Variants in FAM169A observed in about 807,000 individuals in gnomAD.
FAM169A encodes the protein family with sequence similarity 169 member A.
In FAM169A, 24 loss-of-function variants were observed where a neutral mutation model predicts 75.7. The observed-to-expected ratio is 0.32, with a 90% CI of 0.23 to 0.45. The LOEUF is 0.45. Among genes scored for constraint, FAM169A ranks in the 20% least tolerant of loss-of-function variants. The probability of loss-of-function intolerance (pLI) is 1.00; values close to 1 mark genes in which losing one functional copy is unlikely to be tolerated. For missense variants in FAM169A, 673 were observed against 784.0 expected (o/e 0.86, Z 1.69); for synonymous variants, 271 against 271.0 (o/e 1.00, Z 0.00).
At chr5:74,828,327 G>A (rs1748138493) in intron 5 of FAM169A, among the ~76,000 whole-genome samples, 1 of 152,088 alleles carries the variant, frequency 6.6e-6, no homozygotes, top group Non-Finnish European at 1.5e-5. Flanking sequence ...AAACTATTTA[G>A]AGGCCTCTCC....
chr5:74,814,892 T>C (rs933378206), intron 5 of FAM169A, among the ~76,000 whole-genome samples: 2 of 152,214 alleles, frequency 1.3e-5, no homozygotes, highest in African/African-American at 4.8e-5. Context: ...TATTTTTGCC[T>C]CAAATAAAAT....
intron 6 of FAM169A, among the ~76,000 whole-genome samples, chr5:74,808,740 C>T (rs1359204919): frequency 6.6e-6 from 1 of 152,126 alleles, no homozygotes; most frequent in Non-Finnish European, 1.5e-5. Flanking sequence ...ACACTAACTT[C>T]AGGAGTGCAA....
intron 1 of FAM169A, chr5:74,848,778 C>CTAACAG (rs1749290732): frequency 6.6e-6 from 1 of 152,142 alleles, no homozygotes; most frequent in Non-Finnish European, 1.5e-5. Flanking sequence ...AATTGCAAGC[C>CTAACAG]TAACAGTGGT....
At chr5:74,866,533 G>C (rs558540967), upstream of FAM169A, 287 of 552,418 alleles carry the variant, frequency 5.2e-4, 1 homozygote, top group African/African-American at 5.6e-3. Flanking sequence ...GCGCCGGCCC[G>C]GCAGGTGCGG....
In FAM169A at chr5:74,781,394, TA is replaced by T; in HGVS notation, c.*65del. 6.8e-7 allele frequency: 1 copy of T among 1,475,822 alleles called. No individual in the cohort carries two copies. Among genetic ancestry groups the T allele is most frequent in the Non-Finnish European group, 9.2e-7 (1 of 1,084,844 alleles). 91.4% of individuals were successfully genotyped at this position (1,475,822 alleles called of 1,614,324 possible). A position where few individuals can be genotyped will look rare whatever the true frequency, so the allele number is the denominator to read the frequency against. ...CCTGTGCCCCATGCTGTTTATTAATTACCATATTTTAAAAACAACAACTATG... is the reference window on the plus strand; with the variant it reads ...CCTGTGCCCCATGCTGTTTATTAATTCCATATTTTAAAAACAACAACTATG... On this transcript the variant is annotated 3_prime_UTR_variant, in exon 13 of 13. Coordinates refer to ENST00000687041, the MANE Select transcript of FAM169A (RefSeq NM_001376049.1).
chr5:74,841,473 T>A (rs1748858550), intron 2 of FAM169A, 72 bp downstream of exon 2: 4 of 1,200,244 alleles, frequency 3.3e-6, no homozygotes, highest in East Asian at 5.2e-5. Context: ...ATGATTTTTT[T>A]AAAAAAGGAT....
rs979974167 is a variant in FAM169A, at chr5:74,795,058, G to A, written c.1260+972C>T. On this transcript the variant is annotated intron_variant, in intron 11 of 12. Transcript: ENST00000687041. ...ACATCACCTGAGGTAAGGAGTTTGA[G>A]ACCAGCCTGGCCAAAGTGGTGAAAC... is the stretch of plus-strand genomic sequence containing the variant. Among the ~76,000 whole-genome samples the A allele has an allele frequency of 2.0e-5, 3 of 152,006 alleles. No individual in the cohort carries two copies. The South Asian group carries it at 6.2e-4, about 32-fold the overall frequency.
At chr5:74,795,722 AGT>A (rs1746237997) in intron 11 of FAM169A, among the ~76,000 whole-genome samples, 1 of 152,190 alleles carries the variant, frequency 6.6e-6, no homozygotes, top group South Asian at 2.1e-4. Context: ...TGTGTATGTA[AGT>A]GTGTTTAATT....
intron 1 of FAM169A, among the ~76,000 whole-genome samples, chr5:74,862,579 A>C (rs1750093503): frequency 6.6e-6 from 1 of 152,178 alleles, no homozygotes; most frequent in South Asian, 2.1e-4. Flanking sequence ...CACTCACAGG[A>C]CAGAATTATC....
intron 4 of FAM169A, among the ~76,000 whole-genome samples, chr5:74,835,295 A>C (rs1748514334): frequency 6.6e-6 from 1 of 152,054 alleles, no homozygotes; most frequent in South Asian, 2.1e-4. Context: ...TTCTGATATC[A>C]AATAGTGAGG....
At chr5:74,848,483 T>C (rs1013718672) in intron 1 of FAM169A, 1 of 152,188 alleles carries the variant, frequency 6.6e-6, no homozygotes, top group Non-Finnish European at 1.5e-5. Context: ...TTACATAACA[T>C]TTTCTTTTGT....
At chr5:74,799,836 T>A in intron 10 of FAM169A, 1 of 1,055,658 alleles carries the variant, frequency 9.5e-7, no homozygotes, top group South Asian at 1.2e-5. Context: ...CTGCCTGACC[T>A]TTGTCTCCAA....
chr5:74,856,345 T>C (rs1749703931), intron 1 of FAM169A, among the ~76,000 whole-genome samples: 1 of 152,202 alleles, frequency 6.6e-6, no homozygotes, highest in South Asian at 2.1e-4. Flanking sequence ...TTAATAGAAA[T>C]TGCATTGAAT....
intron 1 of FAM169A, among the ~76,000 whole-genome samples, chr5:74,843,975 A>G (rs1342838995): frequency 6.6e-6 from 1 of 152,228 alleles, no homozygotes; most frequent in Non-Finnish European, 1.5e-5. Flanking sequence ...CCAAGCCATT[A>G]GAGAAATATG....
intron 6 of FAM169A, among the ~76,000 whole-genome samples, chr5:74,806,909 A>C (rs1746912933): frequency 6.6e-6 from 1 of 152,218 alleles, no homozygotes; most frequent in African/African-American, 2.4e-5. Flanking sequence ...GATAAAGATG[A>C]TAAACCTCAC....
intron 4 of FAM169A, among the ~76,000 whole-genome samples, chr5:74,838,010 G>A (rs769521633): frequency 5.3e-5 from 8 of 151,414 alleles, no homozygotes; most frequent in South Asian, 2.1e-4. Flanking sequence ...CCAGCTACTC[G>A]GGAGACAGAG....
Position 74,800,288 on chromosome 5 carries a change from A to C in FAM169A, c.1103+592T>G, listed in dbSNP as rs181889794. Reference sequence around the variant, plus strand: ...TGTTTTTTTTTTGCAATTTCATTCCATTCTTGACCAAAGCTTTTCTTTTAA... The same window carrying C: ...TGTTTTTTTTTTGCAATTTCATTCCCTTCTTGACCAAAGCTTTTCTTTTAA... On this transcript the variant is annotated intron_variant, in intron 10 of 12. Coordinates refer to ENST00000687041, the MANE Select transcript of FAM169A (RefSeq NM_001376049.1). Among the ~76,000 whole-genome samples the C allele has an allele frequency of 1.6e-4, 25 of 151,968 alleles. 1 individual carries two copies. Among genetic ancestry groups the C allele is most frequent in the East Asian group, 1.9e-4 (1 of 5,188 alleles).
intron 1 of FAM169A, among the ~76,000 whole-genome samples, chr5:74,855,425 T>G (rs1749657220): frequency 6.6e-6 from 1 of 152,208 alleles, no homozygotes; most frequent in Non-Finnish European, 1.5e-5. Flanking sequence ...CTCGAATTCC[T>G]GAGCTCGAGC....
intron 11 of FAM169A, among the ~76,000 whole-genome samples, chr5:74,793,018 GTAGA>G (rs1746058737): frequency 6.6e-6 from 1 of 152,190 alleles, no homozygotes; most frequent in Non-Finnish European, 1.5e-5. Context: ...CAACCAGTGA[GTAGA>G]TAAAGAAAAT....
Sources: allele counts gnomAD v4.1 joint callset (sites outside exome capture counted in the v4.1 genomes callset), GRCh38; gene constraint gnomAD v4.1.1; transcripts MANE v1.5; gene names NCBI Gene and HGNC (gene_info 2026-07-23, HGNC 2026-07-21).